ATF6: variants seen among roughly 807,000 people sequenced by gnomAD.
ATF6 encodes activating transcription factor 6, also known as cyclic AMP-dependent transcription factor ATF-6 alpha.
In ATF6, 53 loss-of-function variants were observed where a neutral mutation model predicts 83.6. That is an observed-to-expected ratio of 0.63 (90% confidence interval 0.51 to 0.80). ATF6 has a LOEUF of 0.80. ATF6 is among the 30% of genes least tolerant of loss of function. The pLI is 0.00. For synonymous variants in ATF6, 288 were observed against 285.8 expected (o/e 1.01, Z -0.08); for missense variants, 744 against 797.9 (o/e 0.93, Z 0.81).
intron 9 of ATF6, among the ~76,000 whole-genome samples, chr1:161,836,428 CTTTCCACAT>C (rs1686218160): frequency 6.6e-6 from 1 of 152,178 alleles, no homozygotes; most frequent in Non-Finnish European, 1.5e-5. Flanking sequence ...GCTAAAAGTA[CTTTCCACAT>C]TTATCAAAGT....
rs79406872 is a variant in ATF6 at position 161,820,924 on chromosome 1, A to ATTT, written c.1096-132_1096-130dup. The ATTT allele has an allele frequency of 2.4e-3, 863 of 357,160 alleles. 1 individual carries two copies. The highest frequency in any genetic ancestry group is 0.012 in the East Asian group (240 of 20,406). The allele number at this position is 357,160 out of a possible 1,614,324, so 22.1% of individuals were successfully genotyped here. A position where few individuals can be genotyped will look rare whatever the true frequency, so the allele number is the denominator to read the frequency against. On this transcript the variant is annotated intron_variant, in intron 8 of 15. Transcript: ENST00000367942. ...GAAAAGTGTTATTTCCTCACCTTTG[A>ATTT]TTTTTTTTTTTTTTTTAAATAAGAC...
Position 161,830,885 on chromosome 1 carries a change from AG to A in ATF6, c.1187+9727del, listed in dbSNP as rs1442958863. ...GGCAATACCATTCAGGACATAGGCA[AG>A]GGCAACGACTTCATGTCTAAAACAC... On this transcript the variant is annotated intron_variant, in intron 9 of 15. Coordinates refer to ENST00000367942, the MANE Select transcript of ATF6 (RefSeq NM_007348.4). Among the ~76,000 whole-genome samples the A allele has an allele frequency of 9.4e-5, 14 of 149,094 alleles. No individual in the cohort carries two copies. The South Asian group carries it at 3.0e-3, about 32-fold the overall frequency.
At chr1:161,829,399 C>T (rs1422590648) in intron 9 of ATF6, among the ~76,000 whole-genome samples, 3 of 151,912 alleles carry the variant, frequency 2.0e-5, no homozygotes, top group Non-Finnish European at 4.4e-5. Flanking sequence ...AGCTCTGCAC[C>T]AAGCAGACCT....
intron 4 of ATF6, among the ~76,000 whole-genome samples, chr1:161,788,365 A>T (rs1367931691): frequency 6.6e-6 from 1 of 151,806 alleles, no homozygotes; most frequent in Non-Finnish European, 1.5e-5. Flanking sequence ...TTTCTTTTAT[A>T]CATTGTTTAT....
At chr1:161,863,396 C>A in intron 14 of ATF6, 84 bp downstream of exon 14, 3 of 883,708 alleles carry the variant, frequency 3.4e-6, no homozygotes, top group Non-Finnish European at 5.6e-6. Context: ...GTGGAAAATA[C>A]AAAGATGTGA....
chr1:161,800,192 C>G (rs943392697), intron 6 of ATF6, among the ~76,000 whole-genome samples: 8 of 152,094 alleles, frequency 5.3e-5, no homozygotes, highest in African/African-American at 1.7e-4. Flanking sequence ...ATGCTTGGAA[C>G]CAGAAGTGTT....
At chr1:161,778,357 G>A in intron 2 of ATF6, 37 bp downstream of exon 2, 2 of 1,529,362 alleles carry the variant, frequency 1.3e-6, no homozygotes, top group South Asian at 2.3e-5. Context: ...GTGATATTTA[G>A]TCTTTAACCC....
intron 9 of ATF6, among the ~76,000 whole-genome samples, chr1:161,839,265 G>A (rs1686298722): frequency 6.6e-6 from 1 of 152,210 alleles, no homozygotes. Context: ...TAAGTAAAAT[G>A]AGAAAATTAT....
At chr1:161,873,155 A>G (rs1687151166) in intron 14 of ATF6, among the ~76,000 whole-genome samples, 1 of 151,670 alleles carries the variant, frequency 6.6e-6, no homozygotes. Context: ...GATTTTTGAA[A>G]AATCAAATCA....
intron 13 of ATF6, among the ~76,000 whole-genome samples, chr1:161,861,934 G>A (rs529444436): frequency 1.3e-4 from 20 of 152,316 alleles, no homozygotes; most frequent in Non-Finnish European, 2.1e-4. Flanking sequence ...AACTACGTAT[G>A]TTAGATAAGT....
chr1:161,871,882 T>G (rs1458750746), intron 14 of ATF6, among the ~76,000 whole-genome samples: 1 of 151,504 alleles, frequency 6.6e-6, no homozygotes, highest in Non-Finnish European at 1.5e-5. Context: ...CTTAGAAAGC[T>G]GTAGTATTGC....
chr1:161,815,655 A>C (rs1294646413), intron 7 of ATF6, among the ~76,000 whole-genome samples: 1 of 150,962 alleles, frequency 6.6e-6, no homozygotes, highest in Non-Finnish European at 1.5e-5. Flanking sequence ...TTATTGATTG[A>C]TAATTAAATT....
intron 14 of ATF6, among the ~76,000 whole-genome samples, chr1:161,881,877 A>T (rs951161385): frequency 2.0e-5 from 3 of 151,758 alleles, no homozygotes; most frequent in Non-Finnish European, 2.9e-5. Context: ...ATTTTCTCAT[A>T]TTTTTTTTCT....
At chr1:161,896,780 A>G (rs1409467124) in intron 14 of ATF6, among the ~76,000 whole-genome samples, 1 of 152,202 alleles carries the variant, frequency 6.6e-6, no homozygotes, top group Non-Finnish European at 1.5e-5. Context: ...AAATAAATAT[A>G]TAGTTTCCAG....
chr1:161,884,746 A>G (rs908062163), intron 14 of ATF6, among the ~76,000 whole-genome samples: 3 of 152,156 alleles, frequency 2.0e-5, no homozygotes, highest in Non-Finnish European at 4.4e-5. Flanking sequence ...ATACATATAT[A>G]ATAAAATATT....
intron 4 of ATF6, among the ~76,000 whole-genome samples, chr1:161,789,856 C>G (rs1241884240): frequency 6.6e-6 from 1 of 152,096 alleles, no homozygotes; most frequent in Non-Finnish European, 1.5e-5. Flanking sequence ...TCTTTGGTTT[C>G]TTGGAAATGT....
chr1:161,845,494 G>A (rs879493026), intron 9 of ATF6, among the ~76,000 whole-genome samples: 1 of 152,076 alleles, frequency 6.6e-6, no homozygotes, highest in South Asian at 2.1e-4. Context: ...AAGGCTGGGC[G>A]CAGTGGCTTA....
chr1:161,878,911 A>G (rs1283872115), intron 14 of ATF6, among the ~76,000 whole-genome samples: 1 of 152,194 alleles, frequency 6.6e-6, no homozygotes, highest in Non-Finnish European at 1.5e-5. Context: ...GTTTGCCTAT[A>G]AAAGAAAATA....
chr1:161,791,110 G>GTC (rs1346743526), intron 4 of ATF6, among the ~76,000 whole-genome samples: 12 of 146,728 alleles, frequency 8.2e-5, no homozygotes, highest in Admixed American at 4.9e-4. Flanking sequence ...GTGTCTCTGT[G>GTC]TGTGTGTGTG....
Sources: allele counts gnomAD v4.1 joint callset (sites outside exome capture counted in the v4.1 genomes callset), GRCh38; gene constraint gnomAD v4.1.1; transcripts MANE v1.5; gene names NCBI Gene and HGNC (gene_info 2026-07-23, HGNC 2026-07-21).